Variants in TMEM132B observed in about 807,000 individuals in gnomAD.
TMEM132B encodes the protein transmembrane protein 132B.
A neutral mutation model predicts 90.8 loss-of-function variants in TMEM132B; 18 were observed. The observed-to-expected ratio is 0.20, with a 90% CI of 0.14 to 0.29. The LOEUF is 0.29. Ranked by LOEUF, TMEM132B falls within the 10% of genes least tolerant of loss-of-function variation. The probability of loss-of-function intolerance (pLI) is 1.00; values close to 1 mark genes in which losing one functional copy is unlikely to be tolerated. For missense variants in TMEM132B, 1,096 were observed against 1,326.8 expected (o/e 0.83, Z 2.70); for synonymous variants, 504 against 523.3 (o/e 0.96, Z 0.50).
chr12:125,195,956 T>G (rs1430181139), intron 1 of TMEM132B, among the ~76,000 whole-genome samples: 1 of 152,108 alleles, frequency 6.6e-6, no homozygotes, highest in African/African-American at 2.4e-5. Context: ...CAGTGAAAGT[T>G]CTAACCAAAC....
At chr12:125,582,596 C>T (rs1365300886) in intron 4 of TMEM132B, among the ~76,000 whole-genome samples, 1 of 152,174 alleles carries the variant, frequency 6.6e-6, no homozygotes, top group Non-Finnish European at 1.5e-5. Context: ...CTCTCTTTCT[C>T]TTCAGGCAAG....
At chr12:125,524,754 A>G (rs540413637) in intron 4 of TMEM132B, among the ~76,000 whole-genome samples, 8 of 152,304 alleles carry the variant, frequency 5.3e-5, no homozygotes, top group Admixed American at 2.6e-4. Context: ...CTCAGGATGG[A>G]TGATGGTAGG....
intron 2 of TMEM132B, among the ~76,000 whole-genome samples, chr12:125,404,423 C>A (rs1232942344): frequency 6.6e-6 from 1 of 152,128 alleles, no homozygotes; most frequent in African/African-American, 2.4e-5. Context: ...TGTTTAGAAT[C>A]CTGGCTGGAG....
rs1216650883 is a variant in TMEM132B at position 125,459,880 on chromosome 12, T to G, written c.1106+44203T>G. ...ACGGTAGTGGATAAGTCTCATGAGA[T>G]CTGATGATTTTATAAGGGGTTTCCC... On this transcript the variant is annotated intron_variant, in intron 3 of 8. Coordinates refer to ENST00000682704, the MANE Select transcript of TMEM132B (RefSeq NM_001366854.1). This position sits in a 1 kb window ranked among gnomAD's most constrained non-coding sequence, Gnocchi z 4.1. Among the ~76,000 whole-genome samples, 16 of 152,176 alleles carry G rather than the reference T, an allele frequency of 1.1e-4. No individual in the cohort carries two copies. The highest frequency in any genetic ancestry group is 3.6e-4 in the African/African-American group (15 of 41,440).
intron 4 of TMEM132B, among the ~76,000 whole-genome samples, chr12:125,528,138 C>CT (rs111972959): frequency 0.026 from 3,798 of 147,470 alleles, 89 homozygotes; most frequent in South Asian, 0.044. Flanking sequence ...GTGTCTATTT[C>CT]TTTTTTTTTT....
chr12:125,566,014 C>T (rs1433854478), intron 4 of TMEM132B, among the ~76,000 whole-genome samples: 1 of 152,210 alleles, frequency 6.6e-6, no homozygotes, highest in Non-Finnish European at 1.5e-5. Context: ...TTCTAGGCAG[C>T]AGGAGTGCTG....
At chr12:125,452,160 C>T (rs908630316) in intron 3 of TMEM132B, among the ~76,000 whole-genome samples, 3 of 152,144 alleles carry the variant, frequency 2.0e-5, no homozygotes, top group African/African-American at 7.2e-5. Context: ...TATCTCATCC[C>T]CTGGATTCCA....
chr12:125,647,782 G>C (rs1886802858), intron 6 of TMEM132B, among the ~76,000 whole-genome samples: 1 of 151,960 alleles, frequency 6.6e-6, no homozygotes, highest in Non-Finnish European at 1.5e-5. Context: ...AAATAGGATA[G>C]ACTTTCCTTC....
At chr12:125,511,714 T>C (rs1283537665) in intron 3 of TMEM132B, among the ~76,000 whole-genome samples, 1 of 151,414 alleles carries the variant, frequency 6.6e-6, no homozygotes, top group Non-Finnish European at 1.5e-5. Flanking sequence ...TAGCCGGGTG[T>C]GGTGGCGGGC....
chr12:125,197,831 G>A (rs1321807029), intron 1 of TMEM132B, among the ~76,000 whole-genome samples: 3 of 152,148 alleles, frequency 2.0e-5, no homozygotes, highest in Admixed American at 6.5e-5. Context: ...AACTCTCAGT[G>A]GAAAAAGAAA....
At chr12:125,340,627 A>G (rs1383869734) in intron 1 of TMEM132B, among the ~76,000 whole-genome samples, 1 of 152,210 alleles carries the variant, frequency 6.6e-6, no homozygotes, top group Non-Finnish European at 1.5e-5. Context: ...CTAGCCTCAG[A>G]ATGTAATCTC....
intron 1 of TMEM132B, among the ~76,000 whole-genome samples, chr12:125,303,788 A>C (rs781365254): frequency 5.3e-5 from 8 of 152,110 alleles, no homozygotes; most frequent in Non-Finnish European, 1.2e-4. Context: ...TCTTCTGTGG[A>C]GAAATGTCTA....
chr12:125,290,560 T>C (rs1593071468), intron 1 of TMEM132B, among the ~76,000 whole-genome samples: 1 of 152,360 alleles, frequency 6.6e-6, no homozygotes, highest in Middle Eastern at 3.4e-3. Flanking sequence ...AAATGGCATC[T>C]TGCTAAACAT....
intron 3 of TMEM132B, among the ~76,000 whole-genome samples, chr12:125,478,899 T>G (rs1467654715): frequency 6.6e-6 from 1 of 152,208 alleles, no homozygotes; most frequent in African/African-American, 2.4e-5. Flanking sequence ...CCCATCAGAC[T>G]AATAGCAGAT....
At chr12:125,319,491 C>G (rs1876372093) in intron 1 of TMEM132B, among the ~76,000 whole-genome samples, 1 of 152,348 alleles carries the variant, frequency 6.6e-6, no homozygotes, top group South Asian at 2.1e-4. Context: ...TGGCCACACA[C>G]CCTGCTGCCC....
chr12:125,448,907 T>C (rs920883099), intron 3 of TMEM132B, among the ~76,000 whole-genome samples: 42 of 152,196 alleles, frequency 2.8e-4, no homozygotes, highest in African/African-American at 9.4e-4. Context: ...TATTTACATT[T>C]CCATAATAAC....
At chr12:125,537,548 C>T (rs1161115742) in intron 4 of TMEM132B, among the ~76,000 whole-genome samples, 4 of 152,146 alleles carry the variant, frequency 2.6e-5, no homozygotes, top group African/African-American at 7.2e-5. Flanking sequence ...AGGGGCATCA[C>T]TGGGAGAGGA....
chr12:125,297,400 G>C (rs1176982486), intron 1 of TMEM132B, among the ~76,000 whole-genome samples: 1 of 152,178 alleles, frequency 6.6e-6, no homozygotes, highest in Non-Finnish European at 1.5e-5. Context: ...GGGGTGCCCT[G>C]TGTGGAGCGT....
intron 1 of TMEM132B, among the ~76,000 whole-genome samples, chr12:125,229,131 G>A (rs142712703): frequency 2.6e-4 from 39 of 152,258 alleles, no homozygotes; most frequent in African/African-American, 8.9e-4. Flanking sequence ...CCTGGCCACC[G>A]CCCACCTCCG....
Sources: gnomAD v4.1 joint callset for allele counts (sites outside exome capture counted in the v4.1 genomes callset) on GRCh38, gnomAD v4.1.1 for gene constraint, Gnocchi (gnomAD v3.1) non-coding constraint, MANE v1.5 for transcripts, NCBI Gene and HGNC (gene_info 2026-07-23, HGNC 2026-07-21) for gene names.